The following SNTG1 variants were observed in gnomAD, a reference collection of about 807,000 sequenced individuals.
SNTG1 encodes syntrophin gamma 1, also known as gamma-1-syntrophin.
A neutral mutation model predicts 74.7 loss-of-function variants in SNTG1; 39 were observed. The ratio of observed to expected loss-of-function variants is 0.52; its 90% CI spans 0.40 to 0.68. SNTG1 has a LOEUF of 0.68. Among genes scored for constraint, SNTG1 ranks in the 30% least tolerant of loss-of-function variants. The probability of loss-of-function intolerance (pLI) is 0.00; values close to 1 mark genes in which losing one functional copy is unlikely to be tolerated. For missense variants in SNTG1, 685 were observed against 609.5 expected, an observed-to-expected ratio of 1.12 and a Z score of -1.30; for synonymous variants, 254 against 217.1, an observed-to-expected ratio of 1.17 and a Z score of -1.49.
intron 9 of SNTG1, among the ~76,000 whole-genome samples, chr8:50,526,096 G>A (rs918899273): frequency 7.2e-5 from 11 of 152,004 alleles, no homozygotes; most frequent in African/African-American, 2.7e-4. Context: ...TCTTTTTCCT[G>A]ACCTTATAAT....
At chr8:49,999,876 G>A (rs1290780821) in intron 1 of SNTG1, among the ~76,000 whole-genome samples, 5 of 152,112 alleles carry the variant, frequency 3.3e-5, no homozygotes, top group Non-Finnish European at 5.9e-5. Flanking sequence ...CACTAGAATG[G>A]AACCTCTTTT....
intron 1 of SNTG1, among the ~76,000 whole-genome samples, chr8:49,940,085 T>A (rs1396748328): frequency 6.6e-6 from 1 of 152,244 alleles, no homozygotes; most frequent in Middle Eastern, 3.4e-3. Context: ...TAATCTGGAG[T>A]CTGTGAAATT....
intron 2 of SNTG1, among the ~76,000 whole-genome samples, chr8:50,187,090 C>A (rs2083411306): frequency 6.6e-6 from 1 of 151,824 alleles, no homozygotes; most frequent in African/African-American, 2.4e-5. Context: ...CAGTTTCAGC[C>A]CAAAGTAATT....
At chr8:50,645,291 C>T (rs1394292039) in intron 13 of SNTG1, among the ~76,000 whole-genome samples, 3 of 151,860 alleles carry the variant, frequency 2.0e-5, no homozygotes, top group South Asian at 2.1e-4. Context: ...TTGGGTTTAT[C>T]GTTTTAGTTT....
At position 49,964,601 on chromosome 8, in the gene SNTG1, G is replaced by A; in HGVS notation, c.-103+52370G>A. Among the ~76,000 whole-genome samples the A allele has an allele frequency of 1.3e-5, 2 of 152,220 alleles. 1 individual carries two copies. The highest frequency in any genetic ancestry group is 2.9e-5 in the Non-Finnish European group (2 of 68,042). On this transcript the variant is annotated intron_variant, in intron 1 of 18. Transcript: ENST00000642720. ...GGACTCTGGCAAATACTTACTGACA[G>A]TTGGATTAGTCCTTCTTTCTTCCCA...
intron 2 of SNTG1, among the ~76,000 whole-genome samples, chr8:50,300,609 G>A (rs2089603131): frequency 6.7e-6 from 1 of 150,054 alleles, no homozygotes; most frequent in South Asian, 2.1e-4. Flanking sequence ...TTTTCCCATG[G>A]AAGAAAAAAT....
At chr8:50,126,415 T>A (rs1332475929) in intron 1 of SNTG1, among the ~76,000 whole-genome samples, 4 of 152,066 alleles carry the variant, frequency 2.6e-5, no homozygotes, top group Admixed American at 1.3e-4. Flanking sequence ...TTTATTGTAA[T>A]GTACATAAAA....
chr8:50,068,824 G>A (rs759377317), intron 1 of SNTG1, among the ~76,000 whole-genome samples: 6 of 152,114 alleles, frequency 3.9e-5, no homozygotes, highest in Non-Finnish European at 7.4e-5. Flanking sequence ...GATGTTAACA[G>A]TCCTTTTCCC....
At chr8:50,750,688 C>T (rs2095565297) in intron 17 of SNTG1, among the ~76,000 whole-genome samples, 1 of 151,954 alleles carries the variant, frequency 6.6e-6, no homozygotes, top group Admixed American at 6.6e-5. Flanking sequence ...TGAATGACCC[C>T]TGGCATTTTT....
chr8:50,669,640 G>A (rs2095269036), intron 15 of SNTG1, among the ~76,000 whole-genome samples: 1 of 152,142 alleles, frequency 6.6e-6, no homozygotes. Flanking sequence ...CATTCCTTCT[G>A]AAACTATTCC....
chr8:50,138,664 TAATA>T (rs2081559660), intron 1 of SNTG1, among the ~76,000 whole-genome samples: 1 of 147,562 alleles, frequency 6.8e-6, no homozygotes, highest in Admixed American at 6.8e-5. Context: ...ATAATAATAA[TAATA>T]ATTCCTTGAA....
chr8:50,490,701 G>C (rs112695138), intron 8 of SNTG1: 2,750 of 152,380 alleles, frequency 0.018, 96 homozygotes, highest in African/African-American at 0.063. Flanking sequence ...CAGCCCCAGG[G>C]GTAGGCAGGC....
intron 9 of SNTG1, among the ~76,000 whole-genome samples, chr8:50,523,296 C>T (rs936099512): frequency 1.3e-5 from 2 of 152,284 alleles, no homozygotes; most frequent in South Asian, 4.1e-4. Context: ...ACTGGTGTAG[C>T]ACTGTTAACT....
Position 50,438,618 on chromosome 8 carries a change from C to A in SNTG1, c.219+19C>A. On this transcript the variant is annotated intron_variant, in intron 5 of 18. Coordinates refer to ENST00000642720, the MANE Select transcript of SNTG1 (RefSeq NM_018967.5). ...CATAAAGGTAGCCTGCCTTTCTAGTCTATCCTTACAAAGGCCATGCCATAA... is the reference window on the plus strand; with the variant it reads ...CATAAAGGTAGCCTGCCTTTCTAGTATATCCTTACAAAGGCCATGCCATAA... The A allele has an allele frequency of 6.2e-7, 1 of 1,602,722 alleles. No homozygotes were observed. The highest frequency in any genetic ancestry group is 8.5e-7 in the Non-Finnish European group (1 of 1,170,438).
intron 13 of SNTG1, among the ~76,000 whole-genome samples, chr8:50,599,803 T>C (rs983557965): frequency 6.6e-6 from 1 of 152,148 alleles, no homozygotes; most frequent in African/African-American, 2.4e-5. Context: ...TTTATTTCTT[T>C]CTCTTCTTTG....
At chr8:50,755,201 C>T (rs769045325) in intron 18 of SNTG1, among the ~76,000 whole-genome samples, 2 of 151,872 alleles carry the variant, frequency 1.3e-5, no homozygotes, top group South Asian at 4.2e-4. Flanking sequence ...CAGTTATCTG[C>T]CATTATAGTA....
At chr8:50,384,522 C>T (rs556777822) in intron 2 of SNTG1, among the ~76,000 whole-genome samples, 1 of 152,292 alleles carries the variant, frequency 6.6e-6, no homozygotes, top group South Asian at 2.1e-4. Context: ...AACCTGCCAT[C>T]AGGTACCTGG....
intron 2 of SNTG1, among the ~76,000 whole-genome samples, chr8:50,226,189 C>T (rs1356365146): frequency 6.6e-6 from 1 of 151,754 alleles, no homozygotes; most frequent in Non-Finnish European, 1.5e-5. Context: ...TTTATCTTAC[C>T]CAAATTCCTA....
intron 1 of SNTG1, among the ~76,000 whole-genome samples, chr8:50,061,886 T>C (rs888275937): frequency 2.6e-5 from 4 of 152,204 alleles, no homozygotes; most frequent in Admixed American, 2.6e-4. Flanking sequence ...GATGTGGTCA[T>C]TCTTGGTGAA....
Sources: gnomAD v4.1 joint callset for allele counts (sites outside exome capture counted in the v4.1 genomes callset) on GRCh38, gnomAD v4.1.1 for gene constraint, MANE v1.5 for transcripts, NCBI Gene and HGNC (gene_info 2026-07-23, HGNC 2026-07-21) for gene names.